UGGT1: variants seen among roughly 807,000 people sequenced by gnomAD.
UGGT1 encodes UDP-glucose:glycoprotein glucosyltransferase 1.
In UGGT1, 107 loss-of-function variants were observed where a neutral mutation model predicts 203.9. The ratio of observed to expected loss-of-function variants is 0.52; its 90% CI spans 0.45 to 0.62. The LOEUF is 0.62. Ranked by LOEUF, UGGT1 falls within the 20% of genes least tolerant of loss-of-function variation. The pLI is 0.00. For missense variants in UGGT1, 1,673 were observed against 1,867.2 expected, an observed-to-expected ratio of 0.90 and a Z score of 1.92; for synonymous variants, 628 against 653.5, an observed-to-expected ratio of 0.96 and a Z score of 0.59.
intron 3 of UGGT1, among the ~76,000 whole-genome samples, chr2:128,105,448 G>A (rs979962486): frequency 6.6e-6 from 1 of 150,892 alleles, no homozygotes; most frequent in Non-Finnish European, 1.5e-5. Context: ...CAAAGTGCTG[G>A]GATTACAGGC....
intron 15 of UGGT1, among the ~76,000 whole-genome samples, chr2:128,138,082 T>C (rs1012498921): frequency 3.3e-5 from 5 of 152,210 alleles, no homozygotes; most frequent in Admixed American, 6.5e-5. Flanking sequence ...ATTCTAGTTT[T>C]TGTTTAAAAT....
At chr2:128,169,788 A>G (rs1386279363) in intron 26 of UGGT1, among the ~76,000 whole-genome samples, 1 of 152,252 alleles carries the variant, frequency 6.6e-6, no homozygotes, top group Non-Finnish European at 1.5e-5. Flanking sequence ...TGAAATTGCT[A>G]ATCTGTATCT....
rs1687209596 is a variant in UGGT1, at chr2:128,098,357, A to G, written c.194+793A>G. Among the ~76,000 whole-genome samples the G allele has an allele frequency of 1.3e-5, 2 of 152,236 alleles. 1 individual carries two copies. The highest frequency in any genetic ancestry group is 4.1e-4 in the South Asian group (2 of 4,836). On this transcript the variant is annotated intron_variant, in intron 2 of 40. Coordinates refer to ENST00000259253, the MANE Select transcript of UGGT1 (RefSeq NM_020120.4). Reference sequence around the variant, plus strand: ...CAAGGTGGGTGGATCACCTGAGGTCAGGAGTTCGAGACCAGCCTGGCAACA... The same window carrying G: ...CAAGGTGGGTGGATCACCTGAGGTCGGGAGTTCGAGACCAGCCTGGCAACA...
intron 8 of UGGT1, among the ~76,000 whole-genome samples, chr2:128,117,666 C>CCCAAGTAG (rs1240527621): frequency 6.6e-6 from 1 of 151,692 alleles, no homozygotes; most frequent in Non-Finnish European, 1.5e-5. Context: ...GCCTTAGCCT[C>CCCAAGTAG]CCAAGTAGTT....
Position 128,177,857 on chromosome 2 carries a change from A to G in UGGT1, c.3650A>G (p.Asn1217Ser). The change falls in exon 33 of 41, where the codon AAC (asparagine) becomes AGC (serine). Residue 1217 changes from asparagine to serine, a missense_variant. Transcript: ENST00000259253. ...VKVQKKADMV[N>S]EDLLSDGTSE... ...GTTCAGAAGAAGGCAGATATGGTGA[A>G]CGAAGACTTGCTGAGTGATGGAACG... The G allele has an allele frequency of 6.2e-7, 1 of 1,602,844 alleles. No individual in the cohort carries two copies. Among genetic ancestry groups the G allele is most frequent in the Non-Finnish European group, 8.5e-7 (1 of 1,175,140 alleles).
At chr2:128,158,264 C>G (rs1690341316) in intron 22 of UGGT1, among the ~76,000 whole-genome samples, 1 of 152,230 alleles carries the variant, frequency 6.6e-6, no homozygotes, top group Non-Finnish European at 1.5e-5. Flanking sequence ...AAGAAGTGCT[C>G]AAATCATAGG....
chr2:128,156,468 G>C lies in UGGT1; in HGVS notation c.2260+53G>C, dbSNP rs775383757. 7.2e-6 allele frequency: 10 copies of C among 1,389,082 alleles called. No homozygotes were observed. The African/African-American group carries it at 1.3e-4, about 18-fold the overall frequency. The allele number at this position is 1,389,082 out of a possible 1,614,324, so 86.0% of individuals were successfully genotyped here. Reference sequence around the variant, plus strand: ...TTCTTAATTTTCTTCTTTGGTTTCAGTGACCATTGTAATTTAGAATTTATC... The same window carrying C: ...TTCTTAATTTTCTTCTTTGGTTTCACTGACCATTGTAATTTAGAATTTATC... On this transcript the variant is annotated intron_variant, in intron 21 of 40. Coordinates refer to ENST00000259253, the MANE Select transcript of UGGT1 (RefSeq NM_020120.4).
intron 3 of UGGT1, among the ~76,000 whole-genome samples, chr2:128,105,058 A>G (rs954097183): frequency 6.7e-6 from 1 of 149,558 alleles, no homozygotes; most frequent in South Asian, 2.1e-4. Context: ...TTATTTTTTT[A>G]ATACAACGGA....
Position 128,193,180 on chromosome 2 carries a change from A to G in UGGT1, c.*3438A>G. 6.8e-6 allele frequency: 1 copy of G among 147,504 alleles called. No homozygotes were observed. Among genetic ancestry groups the G allele is most frequent in the African/African-American group, 2.6e-5 (1 of 38,718 alleles). The allele number at this position is 147,504 out of a possible 1,614,324, so 9.1% of individuals were successfully genotyped here. On this transcript the variant is annotated 3_prime_UTR_variant, in exon 41 of 41. Transcript: ENST00000259253. ...AATAGAGCGAGACTCCGTCTCAAAA[A>G]AAAAAAAAAAAAAAAAAAAAAAATT... is the stretch of plus-strand genomic sequence containing the variant.
chr2:128,152,124 G>C (rs1225202101), intron 18 of UGGT1, among the ~76,000 whole-genome samples: 1 of 152,100 alleles, frequency 6.6e-6, no homozygotes, highest in Non-Finnish European at 1.5e-5. Flanking sequence ...ACAAAGATGG[G>C]AGTGGTTTTT....
chr2:128,174,260 C>T (rs1329887416), intron 30 of UGGT1, among the ~76,000 whole-genome samples: 2 of 151,534 alleles, frequency 1.3e-5, no homozygotes, highest in Non-Finnish European at 2.9e-5. Flanking sequence ...CCCTGAAGCA[C>T]AGCTAAAGAG....
intron 1 of UGGT1, among the ~76,000 whole-genome samples, chr2:128,095,182 T>C (rs1337336174): frequency 2.0e-5 from 3 of 152,218 alleles, no homozygotes; most frequent in Non-Finnish European, 4.4e-5. Flanking sequence ...GAATCACTGC[T>C]ATCAGGTTTC....
At chr2:128,138,247 T>TG (rs1573555404) in intron 15 of UGGT1, among the ~76,000 whole-genome samples, 1 of 152,138 alleles carries the variant, frequency 6.6e-6, no homozygotes, top group Non-Finnish European at 1.5e-5. Context: ...TGGCCGGGCA[T>TG]GGTGGCTCAT....
At chr2:128,180,444 T>C (rs140950108) in intron 35 of UGGT1, among the ~76,000 whole-genome samples, 1,581 of 152,370 alleles carry the variant, frequency 0.01, 18 homozygotes, top group Middle Eastern at 0.02. Context: ...GTGCTTATAC[T>C]TAGAATCTGA....
intron 19 of UGGT1, among the ~76,000 whole-genome samples, chr2:128,154,164 G>C (rs974537556): frequency 3.9e-5 from 6 of 152,046 alleles, no homozygotes; most frequent in African/African-American, 1.4e-4. Context: ...TACCCAGAAA[G>C]TGAGCTTTTT....
At position 128,182,147 on chromosome 2, in the gene UGGT1, G is replaced by C. The variant is rs1691722366; in HGVS notation, c.4101G>C (p.Leu1367=). Residue 1367 remains leucine, a synonymous_variant, in exon 37 of 41, where the codon CTG becomes CTC. Transcript: ENST00000259253. ...TTCTCCAGATTGTACGAACAGATCT[G>C]AAAGAGTTAAGAGATTTCAATTTGG... ...VDADQIVRTD[L]KELRDFNLDG... is the part of the protein sequence containing the mutation. The C allele has an allele frequency of 6.2e-7, 1 of 1,613,798 alleles. No individual in the cohort carries two copies. The highest frequency in any genetic ancestry group is 8.5e-7 in the Non-Finnish European group (1 of 1,179,912).
chr2:128,159,575 A>T lies in UGGT1; in HGVS notation c.2417A>T (p.Glu806Val). The part of the protein sequence containing the change: ...INNPAKEISY[E>V]NTQISRAIWA... ...AATCCTGCCAAAGAGATAAGCTATG[A>T]GAACACTCAGATCTCCAGAGCAATC... Residue 806 changes from glutamate to valine, a missense_variant, in exon 23 of 41, where the codon GAG (glutamate) becomes GTG (valine). Physicochemically the swap from Glu to Val is moderately radical, Grantham distance 121 (BLOSUM62 -2). Transcript: ENST00000259253. 6.2e-7 allele frequency: 1 copy of T among 1,614,244 alleles called. No homozygotes were observed. Among genetic ancestry groups the T allele is most frequent in the Non-Finnish European group, 8.5e-7 (1 of 1,180,044 alleles).
At chr2:128,161,293 A>G (rs766160227) in intron 25 of UGGT1, 25 bp downstream of exon 25, 2 of 1,610,500 alleles carry the variant, frequency 1.2e-6, no homozygotes, top group Admixed American at 1.7e-5. Context: ...AGGAGGAATT[A>G]CAGGGGTTAT....
intron 25 of UGGT1, 61 bp downstream of exon 25, chr2:128,161,329 G>T (rs1690520215): frequency 1.3e-6 from 2 of 1,576,398 alleles, no homozygotes; most frequent in Non-Finnish European, 1.7e-6. Context: ...TCATTGATCA[G>T]TTAGAATTAT....
Sources: gnomAD v4.1 joint callset for allele counts (sites outside exome capture counted in the v4.1 genomes callset) on GRCh38, gnomAD v4.1.1 for gene constraint, MANE v1.5 for transcripts, NCBI Gene and HGNC (gene_info 2026-07-23, HGNC 2026-07-21) for gene names.